Variants in TBC1D5 observed in about 807,000 individuals in gnomAD.
TBC1D5 encodes TBC1 domain family, member 5.
TBC1D5 carries 75 observed loss-of-function variants against 100.3 expected under a neutral mutation model. That is an observed-to-expected ratio of 0.75 (90% CI 0.62 to 0.91). The LOEUF (loss-of-function observed/expected upper bound fraction) is 0.91. TBC1D5 is among the 40% of genes least tolerant of loss of function. The probability of loss-of-function intolerance (pLI) is 0.00; values close to 1 mark genes in which losing one functional copy is unlikely to be tolerated. For synonymous variants in TBC1D5, 323 were observed against 325.6 expected, an observed-to-expected ratio of 0.99 and a Z score of 0.09; for missense variants, 910 against 942.4, an observed-to-expected ratio of 0.97 and a Z score of 0.45.
At chr3:17,399,229 A>G (rs2093586810) in intron 8 of TBC1D5, among the ~76,000 whole-genome samples, 1 of 152,136 alleles carries the variant, frequency 6.6e-6, no homozygotes, top group Non-Finnish European at 1.5e-5. Flanking sequence ...AAAGTTCTGG[A>G]TTAGGCAAAT....
At chr3:17,510,245 G>C (rs547348719) in intron 2 of TBC1D5, among the ~76,000 whole-genome samples, 1 of 152,030 alleles carries the variant, frequency 6.6e-6, no homozygotes, top group Non-Finnish European at 1.5e-5. Flanking sequence ...AAAACAAAAT[G>C]CTCCTCTATC....
intron 14 of TBC1D5, among the ~76,000 whole-genome samples, chr3:17,305,538 G>C (rs2083313779): frequency 6.6e-6 from 1 of 152,060 alleles, no homozygotes; most frequent in African/African-American, 2.4e-5. Context: ...TCAATCATTT[G>C]CAAAATTAAA....
intron 3 of TBC1D5, among the ~76,000 whole-genome samples, chr3:17,497,986 T>C (rs1445111625): frequency 6.6e-6 from 1 of 152,092 alleles, no homozygotes; most frequent in African/African-American, 2.4e-5. Context: ...TGGTAGAATA[T>C]CAGATCTTTT....
At chr3:17,450,732 A>G (rs1292298793) in intron 3 of TBC1D5, among the ~76,000 whole-genome samples, 3 of 152,336 alleles carry the variant, frequency 2.0e-5, no homozygotes, top group Middle Eastern at 3.4e-3. Context: ...ATATGCGCCT[A>G]TGTGAAAAGA....
At chr3:17,344,168 G>T (rs998394128) in intron 13 of TBC1D5, among the ~76,000 whole-genome samples, 1 of 151,958 alleles carries the variant, frequency 6.6e-6, no homozygotes. Flanking sequence ...TAGAAAACCC[G>T]ATTGTCTCAG....
At chr3:17,253,377 G>A (rs1180597816) in intron 16 of TBC1D5, among the ~76,000 whole-genome samples, 1 of 152,226 alleles carries the variant, frequency 6.6e-6, no homozygotes, top group Non-Finnish European at 1.5e-5. Context: ...TACAACTAAA[G>A]TGCTCTTTCT....
Position 17,382,359 on chromosome 3 carries a change from G to A in TBC1D5, c.612+1554C>T, listed in dbSNP as rs535933900. 5.3e-5 allele frequency among the ~76,000 whole-genome samples: 8 copies of A among 151,878 alleles called. No individual in the cohort carries two copies. The East Asian group carries it at 1.4e-3, about 26-fold the overall frequency. On this transcript the variant is annotated intron_variant, in intron 9 of 21. Coordinates refer to ENST00000253692, the Ensembl canonical transcript of TBC1D5. ...TTAATCCCTAAATTATATTATCTCC[G>A]TTAAAATAAGTGTAACATTTTTAGG...
intron 13 of TBC1D5, among the ~76,000 whole-genome samples, chr3:17,331,664 G>A (rs1473133707): frequency 6.6e-6 from 1 of 152,158 alleles, no homozygotes; most frequent in East Asian, 1.9e-4. Context: ...TTGTAGTGGA[G>A]GAGCCAGAAT....
At chr3:17,375,136 T>G (rs1404724572) in intron 10 of TBC1D5, among the ~76,000 whole-genome samples, 2 of 152,204 alleles carry the variant, frequency 1.3e-5, no homozygotes, top group East Asian at 1.9e-4. Context: ...TTTTACTTTT[T>G]AACAGATTGA....
At chr3:17,710,579 T>C (rs1220421483) in intron 1 of TBC1D5, among the ~76,000 whole-genome samples, 1 of 151,546 alleles carries the variant, frequency 6.6e-6, no homozygotes, top group Admixed American at 6.6e-5. Flanking sequence ...AATAAATAAA[T>C]AAATAAATAA....
intron 3 of TBC1D5, among the ~76,000 whole-genome samples, chr3:17,440,710 C>T (rs1040023341): frequency 1.3e-5 from 2 of 152,080 alleles, no homozygotes; most frequent in East Asian, 1.9e-4. Context: ...GGCATGTTCT[C>T]GGCTTACTGC....
intron 1 of TBC1D5, among the ~76,000 whole-genome samples, chr3:17,731,937 G>A (rs994009915): frequency 3.3e-5 from 5 of 152,194 alleles, no homozygotes; most frequent in African/African-American, 9.6e-5. Flanking sequence ...TTTCCTGTGA[G>A]CCATTAAGAA....
chr3:17,463,531 G>T (rs908003207), intron 3 of TBC1D5, among the ~76,000 whole-genome samples: 1 of 152,024 alleles, frequency 6.6e-6, no homozygotes, highest in Non-Finnish European at 1.5e-5. Flanking sequence ...GCTTAACCTT[G>T]GGCATACCAT....
At chr3:17,193,949 C>A (rs976229609) in intron 18 of TBC1D5, among the ~76,000 whole-genome samples, 5 of 152,198 alleles carry the variant, frequency 3.3e-5, no homozygotes, top group African/African-American at 4.8e-5. Context: ...TGTAGAAAAT[C>A]TCATTCCTTA....
chr3:17,240,300 T>A (rs905314126), intron 16 of TBC1D5, among the ~76,000 whole-genome samples: 6 of 152,184 alleles, frequency 3.9e-5, no homozygotes, highest in South Asian at 2.1e-4. Context: ...AAAGATCGAT[T>A]CATTATAACT....
intron 1 of TBC1D5, among the ~76,000 whole-genome samples, chr3:17,632,559 G>T (rs1023755603): frequency 6.6e-6 from 1 of 152,168 alleles, no homozygotes; most frequent in African/African-American, 2.4e-5. Context: ...TTTCATGAAA[G>T]GAAGAGTCAA....
At chr3:17,729,016 T>TAAAAAAA in intron 1 of TBC1D5, among the ~76,000 whole-genome samples, 1 of 29,604 alleles carries the variant, frequency 3.4e-5, no homozygotes, top group Non-Finnish European at 6.8e-5. Context: ...TGAAAATCAG[T>TAAAAAAA]AAAAAAAAAA....
chr3:17,540,278 G>A (rs1385638614), intron 2 of TBC1D5, among the ~76,000 whole-genome samples: 1 of 152,008 alleles, frequency 6.6e-6, no homozygotes, highest in East Asian at 1.9e-4. Flanking sequence ...TCCATTCTGT[G>A]GTTGTCTTTT....
At chr3:17,532,992 T>TAAA (rs530910585) in intron 2 of TBC1D5, among the ~76,000 whole-genome samples, 7 of 140,900 alleles carry the variant, frequency 5.0e-5, no homozygotes, top group South Asian at 2.2e-4. Context: ...ATAATAAAAT[T>TAAA]AAAAAAAAAA....
Sources: gnomAD v4.1 joint callset for allele counts (sites outside exome capture counted in the v4.1 genomes callset) on GRCh38, gnomAD v4.1.1 for gene constraint, MANE v1.5 for transcripts, NCBI Gene and HGNC (gene_info 2026-07-23, HGNC 2026-07-21) for gene names.